Variants in ROBO1 observed in about 807,000 individuals in gnomAD.
ROBO1 encodes roundabout homolog 1.
A neutral mutation model predicts 195.9 loss-of-function variants in ROBO1; 149 were observed. The observed-to-expected ratio is 0.76, with a 90% CI of 0.67 to 0.87. The LOEUF is 0.87. ROBO1 is among the 40% of genes least tolerant of loss of function. The pLI is 0.00. For missense variants in ROBO1, 1,933 were observed against 2,068.3 expected (o/e 0.93, Z 1.27); for synonymous variants, 816 against 733.2 (o/e 1.11, Z -1.82).
intron 2 of ROBO1, among the ~76,000 whole-genome samples, chr3:79,194,842 T>G (rs376479080): frequency 2.6e-5 from 4 of 151,614 alleles, no homozygotes; most frequent in South Asian, 2.1e-4. Flanking sequence ...ATTGGAAGTG[T>G]AACGTCATTC....
At chr3:79,754,848 T>A (rs1329134907) in intron 1 of ROBO1, among the ~76,000 whole-genome samples, 2 of 152,188 alleles carry the variant, frequency 1.3e-5, no homozygotes, top group Non-Finnish European at 2.9e-5. Flanking sequence ...CAAGCTCTAA[T>A]TACCTGATAC....
chr3:79,022,883 C>G (rs777574172), intron 3 of ROBO1, among the ~76,000 whole-genome samples: 3 of 152,098 alleles, frequency 2.0e-5, no homozygotes, highest in African/African-American at 7.2e-5. Flanking sequence ...GGCTTTTTGA[C>G]GGTCAAAATT....
chr3:79,207,634 A>AT (rs1163591246), intron 2 of ROBO1, among the ~76,000 whole-genome samples: 1 of 152,118 alleles, frequency 6.6e-6, no homozygotes, highest in East Asian at 1.9e-4. Context: ...CTATCCCTCT[A>AT]TTTTTTTGTT....
chr3:79,115,298 G>C (rs1188245351), intron 3 of ROBO1, among the ~76,000 whole-genome samples: 11 of 152,150 alleles, frequency 7.2e-5, no homozygotes, highest in Admixed American at 2.0e-4. Context: ...AATGTTTGGG[G>C]TGTTTAGAGG....
intron 4 of ROBO1, among the ~76,000 whole-genome samples, chr3:78,786,493 T>C (rs2083838538): frequency 6.6e-6 from 1 of 152,180 alleles, no homozygotes. Flanking sequence ...AGTATTATCA[T>C]TTGATATGGT....
chr3:79,000,571 G>C (rs2077478435), intron 3 of ROBO1, among the ~76,000 whole-genome samples: 3 of 152,170 alleles, frequency 2.0e-5, no homozygotes, highest in African/African-American at 7.2e-5. Context: ...AAACCACAAT[G>C]AGATACCATC....
chr3:79,186,312 CAAGTAT>C (rs1383082664), intron 2 of ROBO1, among the ~76,000 whole-genome samples: 1 of 151,802 alleles, frequency 6.6e-6, no homozygotes, highest in Admixed American at 6.6e-5. Flanking sequence ...CACACATGCA[CAAGTAT>C]ATCTACACAC....
intron 2 of ROBO1, among the ~76,000 whole-genome samples, chr3:79,420,543 G>A (rs2038182225): frequency 6.6e-6 from 1 of 152,126 alleles, no homozygotes; most frequent in Non-Finnish European, 1.5e-5. Context: ...GACTGCAAAA[G>A]TTCCTGTCAT....
chr3:78,998,912 C>T (rs529122368), intron 3 of ROBO1, among the ~76,000 whole-genome samples: 2 of 152,066 alleles, frequency 1.3e-5, no homozygotes, highest in South Asian at 2.1e-4. Context: ...GTCTACTTAA[C>T]ACAGAATATC....
chr3:78,779,412 A>G (rs1443308871), intron 4 of ROBO1, among the ~76,000 whole-genome samples: 2 of 152,216 alleles, frequency 1.3e-5, no homozygotes, highest in African/African-American at 4.8e-5. Flanking sequence ...ACTTACAAGA[A>G]AAAAGCAAAC....
chr3:79,119,019 T>C (rs1373769559), intron 3 of ROBO1, among the ~76,000 whole-genome samples: 1 of 152,160 alleles, frequency 6.6e-6, no homozygotes, highest in Non-Finnish European at 1.5e-5. Flanking sequence ...ACTCAAAATG[T>C]TCAGCTCCCA....
chr3:79,703,505 T>C (rs1280467473), intron 1 of ROBO1, among the ~76,000 whole-genome samples: 3 of 151,774 alleles, frequency 2.0e-5, no homozygotes, highest in South Asian at 2.1e-4. Flanking sequence ...GGAAAAAATA[T>C]GAAACATTAT....
At chr3:79,522,824 T>C (rs1271265871) in intron 2 of ROBO1, among the ~76,000 whole-genome samples, 1 of 152,196 alleles carries the variant, frequency 6.6e-6, no homozygotes, top group Non-Finnish European at 1.5e-5. Context: ...TATGTTTAAT[T>C]GTAGAGCACG....
chr3:79,662,579 C>T (rs1456412762), intron 1 of ROBO1, among the ~76,000 whole-genome samples: 2 of 152,040 alleles, frequency 1.3e-5, no homozygotes, highest in Non-Finnish European at 2.9e-5. Context: ...TCTGCCAATA[C>T]TCAGGAGGCT....
At chr3:79,605,146 C>T (rs1412585617) in intron 1 of ROBO1, among the ~76,000 whole-genome samples, 1 of 151,932 alleles carries the variant, frequency 6.6e-6, no homozygotes, top group Non-Finnish European at 1.5e-5. Context: ...AGTTTACAGC[C>T]TGTCTTTTGG....
chr3:78,867,116 C>T (rs1351136714), intron 4 of ROBO1, among the ~76,000 whole-genome samples: 4 of 152,146 alleles, frequency 2.6e-5, no homozygotes, highest in Admixed American at 2.0e-4. Context: ...CTCAGTATTT[C>T]ATTAAGGAAA....
chr3:78,712,486 A>G (rs181339340), intron 8 of ROBO1, among the ~76,000 whole-genome samples: 1 of 152,206 alleles, frequency 6.6e-6, no homozygotes, highest in East Asian at 1.9e-4. Context: ...TTTCTTATTT[A>G]TCTTTTGCAG....
At chr3:78,818,990 G>C (rs2030520710) in intron 4 of ROBO1, among the ~76,000 whole-genome samples, 1 of 152,144 alleles carries the variant, frequency 6.6e-6, no homozygotes, top group African/African-American at 2.4e-5. Context: ...ATTTCATCAT[G>C]AAGGTGTATA....
intron 1 of ROBO1, among the ~76,000 whole-genome samples, chr3:79,744,283 G>A (rs1300007237): frequency 1.3e-5 from 2 of 152,142 alleles, no homozygotes; most frequent in African/African-American, 4.8e-5. Context: ...ATCATGGTTA[G>A]GGTGTGCATG....
Sources: gnomAD v4.1 joint callset for allele counts (sites outside exome capture counted in the v4.1 genomes callset) on GRCh38, gnomAD v4.1.1 for gene constraint, MANE v1.5 for transcripts, NCBI Gene and HGNC (gene_info 2026-07-23, HGNC 2026-07-21) for gene names.